Variants in DLGAP1 observed in about 807,000 individuals in gnomAD.
DLGAP1 encodes the protein disks large-associated protein 1.
DLGAP1 carries 11 observed loss-of-function variants against 90.8 expected under a neutral mutation model. The observed-to-expected ratio is 0.12, with a 90% confidence interval of 0.08 to 0.20. The LOEUF is 0.20. Among genes scored for constraint, DLGAP1 ranks in the 10% least tolerant of loss-of-function variants. The pLI is 1.00. For missense variants in DLGAP1, 1,050 were observed against 1,333.8 expected (o/e 0.79, Z 3.31); for synonymous variants, 558 against 540.7 (o/e 1.03, Z -0.44).
chr18:3,707,607 GAAA>G (rs1274258689), intron 7 of DLGAP1, among the ~76,000 whole-genome samples: 2 of 114,522 alleles, frequency 1.7e-5, no homozygotes, highest in Admixed American at 1.8e-4. Flanking sequence ...CCATCTCAAA[GAAA>G]AAAAAAAAAA....
intron 3 of DLGAP1, among the ~76,000 whole-genome samples, chr18:3,906,957 C>T (rs907368247): frequency 1.3e-5 from 2 of 151,764 alleles, no homozygotes; most frequent in East Asian, 1.9e-4. Context: ...ACAACAATAC[C>T]GTAATAGTAA....
At chr18:3,926,419 T>TAC (rs1479175411) in intron 3 of DLGAP1, among the ~76,000 whole-genome samples, 84 of 122,452 alleles carry the variant, frequency 6.9e-4, no homozygotes, top group Admixed American at 1.5e-3. Context: ...TATATATATA[T>TAC]ATACACACAC....
chr18:4,089,992 C>T (rs1156511549), intron 2 of DLGAP1, among the ~76,000 whole-genome samples: 1 of 152,046 alleles, frequency 6.6e-6, no homozygotes, highest in African/African-American at 2.4e-5. Context: ...TTGCAGTGAG[C>T]CAAGATCGCG....
chr18:3,877,163 G>T (rs937963851), intron 4 of DLGAP1, among the ~76,000 whole-genome samples: 6 of 152,108 alleles, frequency 3.9e-5, no homozygotes, highest in Non-Finnish European at 8.8e-5. Context: ...AATGAAATAA[G>T]AAATGGGAAC....
intron 3 of DLGAP1, among the ~76,000 whole-genome samples, chr18:3,989,229 G>A (rs1279015439): frequency 1.4e-4 from 21 of 152,202 alleles, no homozygotes; most frequent in Admixed American, 1.4e-3. Context: ...GTTGGGAAAT[G>A]GAAACTATAT....
intron 4 of DLGAP1, 73 bp from the exon 5 acceptor site, chr18:3,814,346 A>T (rs2066988222): frequency 6.9e-6 from 9 of 1,305,424 alleles, no homozygotes; most frequent in African/African-American, 1.5e-5. Context: ...CTTTTTTTTT[A>T]GATTTAACAT....
At chr18:3,852,653 AT>A (rs1376068724) in intron 4 of DLGAP1, among the ~76,000 whole-genome samples, 3 of 151,918 alleles carry the variant, frequency 2.0e-5, no homozygotes, top group Admixed American at 1.3e-4. Flanking sequence ...CCCTTTAAGA[AT>A]TTTTTTCTAT....
chr18:3,567,948 G>A (rs941837751), intron 8 of DLGAP1, among the ~76,000 whole-genome samples: 1 of 152,140 alleles, frequency 6.6e-6, no homozygotes, highest in Non-Finnish European at 1.5e-5. Flanking sequence ...GCCCGGGCTG[G>A]AGTGCTGTGG....
At chr18:3,558,196 T>C (rs1473758150) in intron 9 of DLGAP1, among the ~76,000 whole-genome samples, 1 of 152,196 alleles carries the variant, frequency 6.6e-6, no homozygotes, top group Non-Finnish European at 1.5e-5. Context: ...CTTTTTCTCC[T>C]TGCAGTTCTA....
At chr18:4,347,442 G>C (rs113094427) in intron 1 of DLGAP1, among the ~76,000 whole-genome samples, 38 of 152,012 alleles carry the variant, frequency 2.5e-4, no homozygotes, top group African/African-American at 8.9e-4. Context: ...CAATGCAAAA[G>C]TACTAAAATA....
At chr18:4,132,390 G>A (rs1213732027) in intron 2 of DLGAP1, among the ~76,000 whole-genome samples, 3 of 152,138 alleles carry the variant, frequency 2.0e-5, no homozygotes, top group African/African-American at 7.2e-5. Flanking sequence ...TTGAGTGAAT[G>A]AACATAAACT....
chr18:3,600,732 A>ATCTATAGAGC (rs1568277439), intron 7 of DLGAP1, among the ~76,000 whole-genome samples: 1 of 33,962 alleles, frequency 2.9e-5, no homozygotes, highest in African/African-American at 1.7e-4. Flanking sequence ...AGATATAGAT[A>ATCTATAGAGC]TATATAGATA....
intron 2 of DLGAP1, among the ~76,000 whole-genome samples, chr18:4,080,475 CATG>C (rs1439400457): frequency 2.0e-5 from 3 of 151,494 alleles, no homozygotes; most frequent in East Asian, 1.9e-4. Flanking sequence ...GGGCTGGAAA[CATG>C]ATAATAGCTG....
intron 1 of DLGAP1, among the ~76,000 whole-genome samples, chr18:4,302,714 T>C (rs1384229595): frequency 6.6e-6 from 1 of 152,146 alleles, no homozygotes; most frequent in Non-Finnish European, 1.5e-5. Context: ...TTTTTGTGGT[T>C]CCATATGAGT....
intron 6 of DLGAP1, among the ~76,000 whole-genome samples, chr18:3,734,217 T>C (rs376081548): frequency 1.3e-5 from 2 of 152,182 alleles, no homozygotes; most frequent in East Asian, 3.8e-4. Context: ...TCAATTTCTC[T>C]TTTTAACTCT....
chr18:4,181,768 C>A (rs1020494872), intron 1 of DLGAP1, among the ~76,000 whole-genome samples: 7 of 151,890 alleles, frequency 4.6e-5, no homozygotes, highest in Admixed American at 4.6e-4. Flanking sequence ...GTATGGTACT[C>A]ATCAACAAAC....
intron 2 of DLGAP1, among the ~76,000 whole-genome samples, chr18:4,102,006 G>GTA (rs140971213): frequency 0.074 from 11,292 of 151,952 alleles, 446 homozygotes; most frequent in East Asian, 0.17. Context: ...AGGTGCATTG[G>GTA]TATATATTAA....
chr18:3,642,862 A>G (rs1328112749), intron 7 of DLGAP1, among the ~76,000 whole-genome samples: 1 of 152,242 alleles, frequency 6.6e-6, no homozygotes, highest in African/African-American at 2.4e-5. Flanking sequence ...CAAAAGGTAC[A>G]GCCCCTTGGG....
intron 7 of DLGAP1, among the ~76,000 whole-genome samples, chr18:3,684,105 T>C (rs1196523062): frequency 6.6e-6 from 1 of 152,096 alleles, no homozygotes; most frequent in East Asian, 1.9e-4. Context: ...ATACAAAAAA[T>C]GCACTCTAGG....
Sources: allele counts gnomAD v4.1 joint callset (sites outside exome capture counted in the v4.1 genomes callset), GRCh38; gene constraint gnomAD v4.1.1; transcripts MANE v1.5; gene names NCBI Gene and HGNC (gene_info 2026-07-23, HGNC 2026-07-21).